SCYL3: variants seen among roughly 807,000 people sequenced by gnomAD.
SCYL3 encodes the protein SCY1 like pseudokinase 3, also known as protein-associating with the carboxyl-terminal domain of ezrin.
SCYL3 carries 35 observed loss-of-function variants against 73.8 expected under a neutral mutation model. The ratio of observed to expected loss-of-function variants is 0.47; its 90% CI spans 0.36 to 0.63. The LOEUF is 0.63. Ranked by LOEUF, SCYL3 falls within the 20% of genes least tolerant of loss-of-function variation. The pLI is 0.00. For synonymous variants in SCYL3, 277 were observed against 295.2 expected, an observed-to-expected ratio of 0.94 and a Z score of 0.63; for missense variants, 712 against 798.9, an observed-to-expected ratio of 0.89 and a Z score of 1.31.
chr1:169,867,413 G>C (rs1660107333), intron 7 of SCYL3, among the ~76,000 whole-genome samples: 2 of 152,230 alleles, frequency 1.3e-5, no homozygotes, highest in South Asian at 4.1e-4. Context: ...TTCTCCTGCT[G>C]TAAGTTACTT....
At position 169,851,391 on chromosome 1, in the gene SCYL3, G is replaced by A. The variant is rs1209562428; in HGVS notation, c.*2322C>T. On this transcript the variant is annotated 3_prime_UTR_variant, in exon 13 of 13. Transcript: ENST00000367771. ...AGAGTCTCGCTCTGTCGCCCAGATT[G>A]GAGTGTGGTGGTGTGATCATAGCTC... The A allele has an allele frequency of 6.5e-6, 1 of 154,636 alleles. No individual in the cohort carries two copies. Among genetic ancestry groups the A allele is most frequent in the Non-Finnish European group, 1.4e-5 (1 of 70,018 alleles). 9.6% of individuals were successfully genotyped at this position (154,636 alleles called of 1,614,324 possible). A position where few individuals can be genotyped will look rare whatever the true frequency, so the allele number is the denominator to read the frequency against.
intron 2 of SCYL3, among the ~76,000 whole-genome samples, chr1:169,886,383 A>G (rs147080648): frequency 5.9e-4 from 90 of 152,302 alleles, no homozygotes; most frequent in African/African-American, 2.1e-3. Context: ...GGGCATAGCC[A>G]TCATCTCTTC....
intron 11 of SCYL3, chr1:169,856,066 A>C: frequency 1.1e-6 from 1 of 907,672 alleles, no homozygotes. Context: ...TTTTATACAT[A>C]TAAAGGATAA....
chr1:169,875,293 T>A (rs1354279592), intron 4 of SCYL3, among the ~76,000 whole-genome samples: 1 of 152,244 alleles, frequency 6.6e-6, no homozygotes, highest in East Asian at 1.9e-4. Context: ...AAATGGTTTT[T>A]ATTTTTTCCT....
intron 1 of SCYL3, among the ~76,000 whole-genome samples, chr1:169,891,421 G>C (rs930898093): frequency 1.3e-5 from 2 of 152,116 alleles, no homozygotes; most frequent in Admixed American, 6.5e-5. Context: ...CAGGTAACTT[G>C]AATGGGTCTA....
intron 10 of SCYL3, among the ~76,000 whole-genome samples, chr1:169,861,901 AAGAC>A (rs1459633924): frequency 1.3e-5 from 2 of 152,198 alleles, no homozygotes; most frequent in Non-Finnish European, 2.9e-5. Context: ...AGGCCATGTA[AAGAC>A]AGACAAGGAG....
Position 169,851,722 on chromosome 1 carries a change from G to T in SCYL3, c.*1991C>A. On this transcript the variant is annotated 3_prime_UTR_variant, in exon 13 of 13. Coordinates refer to ENST00000367771, the MANE Select transcript of SCYL3 (RefSeq NM_020423.7). Reference sequence around the variant, plus strand: ...GTGACTTCCAGAATTTGCCTAGTATGGTTGAACACTCAGCACTTAAATTAT... The same window carrying T: ...GTGACTTCCAGAATTTGCCTAGTATTGTTGAACACTCAGCACTTAAATTAT... The T allele has an allele frequency of 6.8e-7, 1 of 1,476,714 alleles. No individual in the cohort carries two copies. The highest frequency in any genetic ancestry group is 9.2e-7 in the Non-Finnish European group (1 of 1,089,582). 91.5% of individuals were successfully genotyped at this position (1,476,714 alleles called of 1,614,324 possible).
At chr1:169,857,768 A>G (rs926634269) in intron 11 of SCYL3, among the ~76,000 whole-genome samples, 8 of 152,126 alleles carry the variant, frequency 5.3e-5, no homozygotes, top group Non-Finnish European at 1.0e-4. Flanking sequence ...CAATGGGGAC[A>G]TGTTCTGAGA....
chr1:169,855,846 T>C, intron 11 of SCYL3: 1 of 1,613,934 alleles, frequency 6.2e-7, no homozygotes, highest in African/African-American at 1.3e-5. Flanking sequence ...CTTCTTGCTG[T>C]TGATGGGCGT....
intron 7 of SCYL3, among the ~76,000 whole-genome samples, chr1:169,867,470 G>T (rs1015787865): frequency 2.6e-5 from 4 of 152,250 alleles, no homozygotes; most frequent in Admixed American, 1.3e-4. Context: ...GGAGTGGTCG[G>T]TTTCCTACAG....
chr1:169,858,914 G>A, intron 11 of SCYL3, 127 bp downstream of exon 11: 3 of 804,206 alleles, frequency 3.7e-6, no homozygotes, highest in Non-Finnish European at 5.6e-6. Flanking sequence ...TTCAGAAAGA[G>A]AAATTAACTT....
At chr1:169,890,871 G>A (rs76973585) in intron 1 of SCYL3, among the ~76,000 whole-genome samples, 10,223 of 152,276 alleles carry the variant, frequency 0.067, 446 homozygotes, top group Non-Finnish European at 0.1. Flanking sequence ...GTTTATGTGG[G>A]ACCATGGGTA....
chr1:169,859,067 G>A lies in SCYL3; in HGVS notation c.1286C>T (p.Thr429Ile), dbSNP rs1486570329. 6.2e-7 allele frequency: 1 copy of A among 1,613,348 alleles called. No individual in the cohort carries two copies. The stretch of plus-strand genomic sequence containing the variant: ...TTCTAGAGAAAGGTCAGTATTTTTA[G>A]TAAAACTTGGGGCAGTGCGTTTGAA... The part of the protein sequence containing the change: ...KIFKRTAPSF[T>I]KNTDLSLEGD... Residue 429 changes from threonine (T) to isoleucine (I), a missense_variant, in exon 11 of 13, where the codon ACT becomes ATT. Coordinates refer to ENST00000367771, the MANE Select transcript of SCYL3 (RefSeq NM_020423.7).
intron 5 of SCYL3, among the ~76,000 whole-genome samples, chr1:169,871,072 C>T (rs12119368): frequency 0.067 from 9,923 of 148,920 alleles, 428 homozygotes; most frequent in Non-Finnish European, 0.1. Context: ...ATCTTGAAAT[C>T]CTAAGTAATG....
chr1:169,854,629 C>T lies in SCYL3; in HGVS notation c.1648G>A (p.Ala550Thr). The T allele has an allele frequency of 1.9e-6, 3 of 1,614,020 alleles. No individual in the cohort carries two copies. Among genetic ancestry groups the T allele is most frequent in the South Asian group, 1.1e-5 (1 of 91,086 alleles). ...GACTCTTCAGTGAGTGAAAGCAAAG[C>T]AGGAATAGGCTTCTGCTCCCCTGAG... ...VTSGEQKPIP[A>T]LLSLTEESMP... Residue 550 changes from alanine (A) to threonine (T), a missense_variant, in exon 12 of 13, where the codon GCT (alanine) becomes ACT (threonine). Transcript: ENST00000367771.
intron 5 of SCYL3, 61 bp from the exon 6 acceptor site, chr1:169,870,418 C>T: frequency 9.1e-7 from 1 of 1,093,200 alleles, no homozygotes; most frequent in Non-Finnish European, 1.4e-6. Context: ...TTCTAATTTT[C>T]TCTGAAGCAC....
intron 8 of SCYL3, 44 bp from the exon 9 acceptor site, chr1:169,864,552 G>T (rs1473101922): frequency 6.5e-7 from 1 of 1,539,928 alleles, no homozygotes; most frequent in Non-Finnish European, 8.7e-7. Context: ...TCATGACACT[G>T]TATCAGCTTA....
At chr1:169,892,895 G>T (rs943738281) in intron 1 of SCYL3, among the ~76,000 whole-genome samples, 1 of 152,186 alleles carries the variant, frequency 6.6e-6, no homozygotes, top group Admixed American at 6.5e-5. Context: ...CCCTTAGCTT[G>T]AAAGTTCCAA....
intron 2 of SCYL3, among the ~76,000 whole-genome samples, chr1:169,882,719 A>T (rs1338168403): frequency 2.0e-5 from 3 of 152,142 alleles, no homozygotes; most frequent in African/African-American, 7.2e-5. Flanking sequence ...GCACCAATCC[A>T]CACTCTGTAT....
Sources: allele counts gnomAD v4.1 joint callset (sites outside exome capture counted in the v4.1 genomes callset), GRCh38; gene constraint gnomAD v4.1.1; transcripts MANE v1.5; gene names NCBI Gene and HGNC (gene_info 2026-07-23, HGNC 2026-07-21).